Variants in CHN2 observed in about 807,000 individuals in gnomAD.
The protein encoded by CHN2 is beta-chimaerin.
Under a neutral mutation model 56.3 loss-of-function variants are expected in CHN2, and 35 were observed. The ratio of observed to expected loss-of-function variants is 0.62; its 90% CI spans 0.47 to 0.82. The LOEUF is 0.82. Ranked by LOEUF, CHN2 falls within the 40% of genes least tolerant of loss-of-function variation. The probability of loss-of-function intolerance (pLI) is 0.00; values close to 1 mark genes in which losing one functional copy is unlikely to be tolerated. For synonymous variants in CHN2, 210 were observed against 212.8 expected (o/e 0.99, Z 0.12); for missense variants, 491 against 580.5 (o/e 0.85, Z 1.58).
intron 1 of CHN2, among the ~76,000 whole-genome samples, chr7:29,301,577 C>G (rs1351184992): frequency 6.6e-6 from 1 of 152,164 alleles, no homozygotes; most frequent in East Asian, 1.9e-4. Flanking sequence ...GAGATCTGGA[C>G]TCCAGGCACT....
intron 1 of CHN2, among the ~76,000 whole-genome samples, chr7:29,353,077 GC>G (rs1000054070): frequency 6.6e-6 from 1 of 152,224 alleles, no homozygotes; most frequent in African/African-American, 2.4e-5. Flanking sequence ...CTGTGTGTGT[GC>G]CTAGGTGGCT....
chr7:29,377,759 C>G (rs1800186254), intron 3 of CHN2, among the ~76,000 whole-genome samples: 1 of 152,250 alleles, frequency 6.6e-6, no homozygotes, highest in Non-Finnish European at 1.5e-5. Context: ...TTTAGCAAAT[C>G]ACAGTCTCAC....
intron 1 of CHN2, among the ~76,000 whole-genome samples, chr7:29,340,780 G>A (rs547969414): frequency 3.9e-5 from 6 of 152,158 alleles, no homozygotes; most frequent in East Asian, 3.9e-4. Context: ...ACTAATTCTC[G>A]GCACATATAT....
At chr7:29,437,257 A>G (rs1043651479) in intron 6 of CHN2, among the ~76,000 whole-genome samples, 2 of 152,218 alleles carry the variant, frequency 1.3e-5, no homozygotes, top group African/African-American at 4.8e-5. Context: ...CTGACCTAGT[A>G]GAGATTTCCA....
intron 7 of CHN2, among the ~76,000 whole-genome samples, chr7:29,488,706 G>A (rs1316718182): frequency 1.3e-5 from 2 of 151,648 alleles, no homozygotes; most frequent in Non-Finnish European, 2.9e-5. Context: ...CCTGACCCCT[G>A]GGGGACATTT....
intron 7 of CHN2, among the ~76,000 whole-genome samples, chr7:29,487,554 C>T (rs1585584538): frequency 6.6e-6 from 1 of 152,108 alleles, no homozygotes; most frequent in South Asian, 2.1e-4. Flanking sequence ...AGGATGGTCT[C>T]ATAAAGCCTC....
upstream of CHN2, chr7:29,192,140 T>TC (rs1782965589): frequency 6.6e-6 from 1 of 152,176 alleles, no homozygotes; most frequent in South Asian, 2.1e-4. Context: ...AGACTGGGCC[T>TC]CCCCCATCAG....
intron 2 of CHN2, among the ~76,000 whole-genome samples, chr7:29,189,004 A>T (rs764965753): frequency 3.5e-5 from 5 of 144,282 alleles, no homozygotes; most frequent in Non-Finnish European, 7.5e-5. Flanking sequence ...AAGCTGGAGT[A>T]CAGTGGCACA....
Position 29,425,135 on chromosome 7 carries a change from T to G in CHN2, c.576+24307T>G, listed in dbSNP as rs545849479. ...TGATTGAGAGATCTCACTCGTTCGCTGTCCCTCTAGCAATGATAGGATGAA... is the reference window on the plus strand; with the variant it reads ...TGATTGAGAGATCTCACTCGTTCGCGGTCCCTCTAGCAATGATAGGATGAA... On this transcript the variant is annotated intron_variant, in intron 6 of 12. Coordinates refer to ENST00000222792, the MANE Select transcript of CHN2 (RefSeq NM_004067.4). Among the ~76,000 whole-genome samples, 9 of 152,366 alleles carry G rather than the reference T, an allele frequency of 5.9e-5. No homozygotes were observed. In the South Asian group the frequency reaches 1.4e-3, roughly 25 times the overall value.
chr7:29,496,012 A>G lies in CHN2; in HGVS notation c.715A>G (p.Ile239Val). 1.2e-6 allele frequency: 2 copies of G among 1,612,856 alleles called. No individual in the cohort carries two copies. The highest frequency in any genetic ancestry group is 1.7e-6 in the Non-Finnish European group (2 of 1,179,616). The change falls in exon 8 of 13, where the codon ATC becomes GTC. Residue 239 changes from isoleucine to valine, a missense_variant. Coordinates refer to ENST00000222792, the MANE Select transcript of CHN2 (RefSeq NM_004067.4). ...TTGTGCCAATTTCATGTGGGGGCTC[A>G]TCGCCCAAGGGGTCCGGTGCTCAGG... is the stretch of plus-strand genomic sequence containing the variant. ...EYCANFMWGL[I>V]AQGVRCSDCG...
chr7:29,500,151 C>G (rs1789798242), intron 9 of CHN2, 111 bp downstream of exon 9: 1 of 780,394 alleles, frequency 1.3e-6, no homozygotes, highest in Non-Finnish European at 1.9e-6. Flanking sequence ...GGAAAATGAC[C>G]TACGCATGTG....
chr7:29,352,316 G>A (rs1004115722), intron 1 of CHN2, among the ~76,000 whole-genome samples: 12 of 151,804 alleles, frequency 7.9e-5, no homozygotes, highest in African/African-American at 2.7e-4. Context: ...TGAGTAGGTG[G>A]CATCTCAGGG....
chr7:29,489,826 T>G (rs1788454822), intron 7 of CHN2, among the ~76,000 whole-genome samples: 1 of 152,206 alleles, frequency 6.6e-6, no homozygotes, highest in Non-Finnish European at 1.5e-5. Context: ...TGGACAGTGA[T>G]AATAAGCATT....
chr7:29,360,864 C>T (rs1371801285), intron 2 of CHN2, among the ~76,000 whole-genome samples: 2 of 152,182 alleles, frequency 1.3e-5, no homozygotes, highest in Non-Finnish European at 2.9e-5. Flanking sequence ...TGATTCTGTT[C>T]CCAGAGTGAG....
chr7:29,459,957 C>T (rs72596057), intron 6 of CHN2, among the ~76,000 whole-genome samples: 16,326 of 152,226 alleles, frequency 0.11, 998 homozygotes, highest in East Asian at 0.18. Flanking sequence ...CTGCCTCCCC[C>T]TCTGCCACTC....
chr7:29,238,313 C>T lies in CHN2; in HGVS notation c.49+43323C>T, dbSNP rs541430791. On this transcript the variant is annotated intron_variant, in intron 1 of 12. Transcript: ENST00000222792. ...GATTACAGGCGTGAGCCACCGCACCCGCCCATATATATTCTTTATGAAATT... is the reference window on the plus strand; with the variant it reads ...GATTACAGGCGTGAGCCACCGCACCTGCCCATATATATTCTTTATGAAATT... 1.7e-3 allele frequency among the ~76,000 whole-genome samples: 261 copies of T among 152,200 alleles called. 1 individual carries two copies. The highest frequency in any genetic ancestry group is 5.9e-3 in the African/African-American group (247 of 41,534).
At chr7:29,441,727 A>G (rs1783664814) in intron 6 of CHN2, among the ~76,000 whole-genome samples, 1 of 152,242 alleles carries the variant, frequency 6.6e-6, no homozygotes, top group Middle Eastern at 3.2e-3. Flanking sequence ...AACCGCATTG[A>G]TATTACCTCA....
At chr7:29,383,543 A>G (rs1800686786) in intron 3 of CHN2, among the ~76,000 whole-genome samples, 1 of 152,244 alleles carries the variant, frequency 6.6e-6, no homozygotes, top group South Asian at 2.1e-4. Flanking sequence ...CGTCCCAGAC[A>G]CAACCAGAAA....
At chr7:29,437,325 G>C (rs1006659643) in intron 6 of CHN2, among the ~76,000 whole-genome samples, 2 of 84,688 alleles carry the variant, frequency 2.4e-5, no homozygotes, top group Admixed American at 1.0e-4. Flanking sequence ...CCGGCTGGGC[G>C]CGGTGGCTCA....
Sources: gnomAD v4.1 joint callset for allele counts (sites outside exome capture counted in the v4.1 genomes callset) on GRCh38, gnomAD v4.1.1 for gene constraint, MANE v1.5 for transcripts, NCBI Gene and HGNC (gene_info 2026-07-23, HGNC 2026-07-21) for gene names.